Variants in EPHA6 observed in about 807,000 individuals in gnomAD.
EPHA6 encodes ephrin type-A receptor 6.
Under a neutral mutation model 112.0 loss-of-function variants are expected in EPHA6, and 50 were observed. The observed-to-expected ratio is 0.45, with a 90% CI of 0.36 to 0.56. EPHA6 has a LOEUF of 0.56. EPHA6 is among the 20% of genes least tolerant of loss of function. The probability of loss-of-function intolerance (pLI) is 0.00; values close to 1 mark genes in which losing one functional copy is unlikely to be tolerated. For missense variants in EPHA6, 1,280 were observed against 1,417.4 expected, an observed-to-expected ratio of 0.90 and a Z score of 1.56; for synonymous variants, 529 against 490.7, an observed-to-expected ratio of 1.08 and a Z score of -1.03.
At position 97,467,504 on chromosome 3, in the gene EPHA6, G is replaced by A. The variant is rs191925833; in HGVS notation, c.1895-7848G>A. On this transcript the variant is annotated intron_variant, in intron 7 of 17. Coordinates refer to ENST00000389672, the MANE Select transcript of EPHA6 (RefSeq NM_001080448.3). ...TGCAAATATCTACTATTAATATTAT[G>A]GCACATGGTGAATAGTATTTAAAAT... Among the ~76,000 whole-genome samples the A allele has an allele frequency of 4.0e-5, 6 of 151,884 alleles. No individual in the cohort carries two copies. In the East Asian group the frequency reaches 9.7e-4, roughly 25 times the overall value.
At position 97,756,483 on chromosome 3, in the gene EPHA6, A is replaced by C. The variant is rs1463424735; in HGVS notation, c.*7782A>C. Among the ~76,000 whole-genome samples, 1 of 151,926 alleles carries C rather than the reference A, an allele frequency of 6.6e-6. No homozygotes were observed. The highest frequency in any genetic ancestry group is 1.5e-5 in the Non-Finnish European group (1 of 67,806). ...ATAAACAATGATTGGAGCTTTTCAAAATTGCTGCTCTGCATGGAAAGTAAG... is the reference window on the plus strand; with the variant it reads ...ATAAACAATGATTGGAGCTTTTCAACATTGCTGCTCTGCATGGAAAGTAAG... On this transcript the variant is annotated 3_prime_UTR_variant, in exon 18 of 18. Transcript: ENST00000389672.
At chr3:97,045,128 C>A (rs2045459577) in intron 3 of EPHA6, among the ~76,000 whole-genome samples, 1 of 151,914 alleles carries the variant, frequency 6.6e-6, no homozygotes, top group South Asian at 2.1e-4. Flanking sequence ...TTTTAATAAA[C>A]TGTGCCGTTT....
intron 5 of EPHA6, among the ~76,000 whole-genome samples, chr3:97,355,984 AC>A (rs2084053940): frequency 1.3e-5 from 2 of 152,198 alleles, no homozygotes; most frequent in African/African-American, 4.8e-5. Flanking sequence ...AGAGGATGCA[AC>A]AATTGTAAAT....
intron 5 of EPHA6, among the ~76,000 whole-genome samples, chr3:97,293,715 A>G (rs561255677): frequency 1.1e-4 from 16 of 152,330 alleles, no homozygotes; most frequent in Admixed American, 9.8e-4. Context: ...TGGGCAGCCC[A>G]GGCCCCAGGC....
intron 3 of EPHA6, among the ~76,000 whole-genome samples, chr3:97,028,924 GTTAATATA>G (rs2044730968): frequency 6.6e-6 from 1 of 151,660 alleles, no homozygotes; most frequent in African/African-American, 2.4e-5. Context: ...TCACCTCAGA[GTTAATATA>G]TGTCTTCCTT....
At chr3:97,342,668 A>G (rs1050567230) in intron 5 of EPHA6, among the ~76,000 whole-genome samples, 1 of 152,098 alleles carries the variant, frequency 6.6e-6, no homozygotes, top group Non-Finnish European at 1.5e-5. Flanking sequence ...TTATGATAAG[A>G]GATATAAGAA....
intron 13 of EPHA6, among the ~76,000 whole-genome samples, chr3:97,613,627 AGT>A (rs1410994892): frequency 1.3e-5 from 2 of 151,880 alleles, no homozygotes; most frequent in Non-Finnish European, 2.9e-5. Context: ...AGTGTAGTCA[AGT>A]GTGTGTGTGG....
At chr3:97,438,328 G>A (rs953396244) in intron 6 of EPHA6, among the ~76,000 whole-genome samples, 1 of 151,950 alleles carries the variant, frequency 6.6e-6, no homozygotes, top group African/African-American at 2.4e-5. Flanking sequence ...AAATATTTTT[G>A]GCAAGTAAAA....
At chr3:96,844,554 G>T (rs2034956194) in intron 1 of EPHA6, among the ~76,000 whole-genome samples, 1 of 151,954 alleles carries the variant, frequency 6.6e-6, no homozygotes, top group Non-Finnish European at 1.5e-5. Context: ...TGATAAGAGG[G>T]TTAATATGGA....
Position 97,596,800 on chromosome 3 carries a change from A to G in EPHA6, c.2512+4063A>G, listed in dbSNP as rs1196317179. ...TACATATATATATATATATATATAT[A>G]TATATATATGGGTTATGTTAGTTTA... On this transcript the variant is annotated intron_variant, in intron 12 of 17. Coordinates refer to ENST00000389672, the MANE Select transcript of EPHA6 (RefSeq NM_001080448.3). Among the ~76,000 whole-genome samples the G allele has an allele frequency of 2.3e-5, 3 of 131,928 alleles. No homozygotes were observed. The Admixed American group carries it at 2.4e-4, about 10-fold the overall frequency. 86.5% of individuals were successfully genotyped at this position (131,928 alleles called of 152,430 possible).
At chr3:97,411,194 A>G (rs914685340) in intron 6 of EPHA6, among the ~76,000 whole-genome samples, 21 of 152,026 alleles carry the variant, frequency 1.4e-4, no homozygotes, top group African/African-American at 5.1e-4. Context: ...AAGGTTTTAT[A>G]TCCAATTTCC....
chr3:97,660,308 A>T (rs180869849), intron 14 of EPHA6, among the ~76,000 whole-genome samples: 6 of 152,184 alleles, frequency 3.9e-5, no homozygotes, highest in African/African-American at 1.4e-4. Context: ...TATAGTTTCT[A>T]ATGAAAGTTT....
intron 13 of EPHA6, among the ~76,000 whole-genome samples, chr3:97,630,882 G>A (rs896845619): frequency 1.3e-5 from 2 of 151,940 alleles, no homozygotes; most frequent in Non-Finnish European, 1.5e-5. Context: ...CAAATCACAT[G>A]TGGTAGCACT....
chr3:97,651,461 T>A (rs1037870916), intron 14 of EPHA6, among the ~76,000 whole-genome samples: 3 of 152,028 alleles, frequency 2.0e-5, no homozygotes, highest in Non-Finnish European at 2.9e-5. Context: ...TAAAAATGAT[T>A]TATAAAATCA....
At chr3:97,716,681 C>T (rs940733897) in intron 14 of EPHA6, among the ~76,000 whole-genome samples, 3 of 152,014 alleles carry the variant, frequency 2.0e-5, no homozygotes, top group African/African-American at 7.2e-5. Context: ...TCCTTTCTGC[C>T]TCATCTTGCA....
At chr3:97,168,914 G>A (rs2076614836) in intron 3 of EPHA6, among the ~76,000 whole-genome samples, 1 of 152,268 alleles carries the variant, frequency 6.6e-6, no homozygotes, top group South Asian at 2.1e-4. Context: ...GAACAGCTTG[G>A]AGGGATCAGA....
intron 14 of EPHA6, among the ~76,000 whole-genome samples, chr3:97,653,491 AGAC>A (rs1259506110): frequency 3.3e-5 from 5 of 152,174 alleles, no homozygotes; most frequent in Middle Eastern, 6.8e-3. Context: ...ATTATCAAAA[AGAC>A]AAAAAATAGC....
At chr3:97,641,721 G>A (rs185133284) in intron 14 of EPHA6, among the ~76,000 whole-genome samples, 7 of 152,220 alleles carry the variant, frequency 4.6e-5, no homozygotes, top group Non-Finnish European at 8.8e-5. Context: ...CGAATATTGC[G>A]CTTTTCAGAC....
At chr3:97,174,401 T>G (rs1559774166) in intron 3 of EPHA6, among the ~76,000 whole-genome samples, 1 of 151,942 alleles carries the variant, frequency 6.6e-6, no homozygotes, top group Non-Finnish European at 1.5e-5. Context: ...TTCCTTTCTT[T>G]TGGGTATATT....
Sources: gnomAD v4.1 joint callset for allele counts (sites outside exome capture counted in the v4.1 genomes callset) on GRCh38, gnomAD v4.1.1 for gene constraint, MANE v1.5 for transcripts, NCBI Gene and HGNC (gene_info 2026-07-23, HGNC 2026-07-21) for gene names.